Variants in PAICS observed in about 807,000 individuals in gnomAD.
PAICS encodes the protein phosphoribosylaminoimidazole carboxylase and phosphoribosylaminoimidazolesuccinocarboxamide synthase, also known as bifunctional phosphoribosylaminoimidazole carboxylase/phosphoribosylaminoimidazole succinocarboxamide synthetase.
Under a neutral mutation model 53.7 loss-of-function variants are expected in PAICS, and 33 were observed. The ratio of observed to expected loss-of-function variants is 0.61; its 90% CI spans 0.47 to 0.82. PAICS has a LOEUF of 0.82. PAICS is among the 40% of genes least tolerant of loss of function. The pLI is 0.00. For synonymous variants in PAICS, 141 were observed against 167.2 expected, an observed-to-expected ratio of 0.84 and a Z score of 1.21; for missense variants, 394 against 494.1, an observed-to-expected ratio of 0.80 and a Z score of 1.92.
At chr4:56,456,217 G>A (rs1382508084) in intron 8 of PAICS, among the ~76,000 whole-genome samples, 12 of 152,010 alleles carry the variant, frequency 7.9e-5, no homozygotes, top group African/African-American at 2.7e-4. Flanking sequence ...TCAACCTCCT[G>A]AGTACCTGGG....
chr4:56,458,942 T>C (rs10015221), intron 8 of PAICS, among the ~76,000 whole-genome samples: 56,301 of 152,042 alleles, frequency 0.37, 11,820 homozygotes, highest in East Asian at 0.66. Context: ...CAAATGCAGA[T>C]AGAAAGATTA....
At chr4:56,430,461 G>C in the PAICS span, among the ~76,000 whole-genome samples, 4 of 151,966 alleles carry the variant, frequency 2.6e-5, no homozygotes, top group African/African-American at 7.3e-5. Flanking sequence ...TGCCCTGTAT[G>C]GTAAAGTATT....
Position 56,448,501 on chromosome 4 carries a change from G to T in PAICS, c.477G>T (p.Gln159His). 1 of 1,612,782 alleles carries T rather than the reference G, an allele frequency of 6.2e-7. No homozygotes were observed. Among genetic ancestry groups the T allele is most frequent in the Non-Finnish European group, 8.5e-7 (1 of 1,179,048 alleles). ...KFCFAGLLIG[Q>H]TEVDIMSHAT... ...GCTTTGCTGGACTTCTTATAGGCCAGACTGAAGTGGATATCATGAGTCATG... is the reference window on the plus strand; with the variant it reads ...GCTTTGCTGGACTTCTTATAGGCCATACTGAAGTGGATATCATGAGTCATG... Residue 159 changes from glutamine to histidine, a missense_variant, in exon 4 of 9, where the codon CAG becomes CAT. By Grantham distance (24) the Gln-to-His change is conservative. Around this residue, in one of 3 missense-constraint regions of PAICS, gnomAD observed 168 missense variants for 199.3 expected, o/e 0.84. Transcript: ENST00000512576.
At chr4:56,445,908 A>G (rs1358774424) in intron 2 of PAICS, among the ~76,000 whole-genome samples, 2 of 152,170 alleles carry the variant, frequency 1.3e-5, no homozygotes, top group Non-Finnish European at 2.9e-5. Flanking sequence ...AGGAGAGGCA[A>G]TACAGCAAAG....
the PAICS span, chr4:56,420,801 C>T: frequency 6.6e-6 from 1 of 152,098 alleles, no homozygotes; most frequent in Non-Finnish European, 1.5e-5. Flanking sequence ...TCATAAATGT[C>T]TTTAAAGTAT....
chr4:56,455,850 G>A (rs1578160816), intron 8 of PAICS, among the ~76,000 whole-genome samples: 1 of 152,234 alleles, frequency 6.6e-6, no homozygotes, highest in East Asian at 1.9e-4. Context: ...ATTTTACACA[G>A]ATGTGATGTG....
Position 56,461,517 on chromosome 4 carries a change from T to C in PAICS, c.*1979T>C, listed in dbSNP as rs951779503. The C allele has an allele frequency of 6.6e-6, 1 of 152,086 alleles. No homozygotes were observed. Among genetic ancestry groups the C allele is most frequent in the Non-Finnish European group, 1.5e-5 (1 of 68,002 alleles). 9.4% of individuals were successfully genotyped at this position (152,086 alleles called of 1,614,324 possible). ...GACTGACCATTACAAATTGTCGTTA[T>C]CAATTTTTTTTCCTTTTTTTTTTTA... On this transcript the variant is annotated 3_prime_UTR_variant, in exon 9 of 9. Transcript: ENST00000512576.
chr4:56,432,996 T>TA (rs1157600290), upstream of PAICS, among the ~76,000 whole-genome samples: 23 of 146,852 alleles, frequency 1.6e-4, no homozygotes, highest in African/African-American at 5.9e-4. Context: ...ACACACGTAT[T>TA]TTATATATAT....
chr4:56,446,586 T>G, intron 2 of PAICS, 109 bp from the exon 3 acceptor site: 1 of 675,964 alleles, frequency 1.5e-6, no homozygotes, highest in Non-Finnish European at 2.6e-6. Flanking sequence ...CACTTATTTT[T>G]GATAGAGGTT....
At chr4:56,426,302 T>C in the PAICS span, among the ~76,000 whole-genome samples, 1 of 151,916 alleles carries the variant, frequency 6.6e-6, no homozygotes, top group Non-Finnish European at 1.5e-5. Context: ...CTCGGGAGGC[T>C]GAGGCAGGAG....
intron 8 of PAICS, among the ~76,000 whole-genome samples, chr4:56,457,323 T>C (rs577180841): frequency 6.6e-6 from 1 of 152,204 alleles, no homozygotes; most frequent in African/African-American, 2.4e-5. Flanking sequence ...CAAGGTGGGA[T>C]GATCACTGGA....
At chr4:56,438,543 C>G (rs1295024970) in intron 1 of PAICS, among the ~76,000 whole-genome samples, 1 of 151,756 alleles carries the variant, frequency 6.6e-6, no homozygotes, top group Non-Finnish European at 1.5e-5. Flanking sequence ...AAGTGATTCT[C>G]CTGCCTCAGC....
chr4:56,414,046 C>T, the PAICS span, among the ~76,000 whole-genome samples: 1 of 152,136 alleles, frequency 6.6e-6, no homozygotes, highest in African/African-American at 2.4e-5. Context: ...TACAAACTGA[C>T]CATTCATGTC....
chr4:56,453,854 C>A, intron 8 of PAICS, 93 bp downstream of exon 8: 1 of 812,834 alleles, frequency 1.2e-6, no homozygotes, highest in Admixed American at 2.5e-5. Flanking sequence ...TCTCATGTAC[C>A]CATGACCTAG....
chr4:56,420,960 G>A, the PAICS span: 1 of 99,882 alleles, frequency 1.0e-5, no homozygotes, highest in African/African-American at 3.9e-5. Flanking sequence ...CTCTAGACCA[G>A]GGGTCCCCAA....
Position 56,451,935 on chromosome 4 carries a change from G to A in PAICS, c.835G>A (p.Gly279Ser). ...GTTGATGGGCTCTACTTCTGATCTT[G>A]GTCACTGTGAAAAAATCAAGAAGGC... Reference protein sequence around the residue: ...VVLMGSTSDLGHCEKIKKACG... With the variant: ...VVLMGSTSDLSHCEKIKKACG... The change falls in exon 7 of 9, where the codon GGT becomes AGT. Residue 279 changes from glycine to serine, a missense_variant. Around this residue, in one of 3 missense-constraint regions of PAICS, gnomAD observed 131 missense variants for 205.5 expected, o/e 0.64. Coordinates refer to ENST00000512576, the MANE Select transcript of PAICS (RefSeq NM_001079524.2). 1 of 1,605,136 alleles carries A rather than the reference G, an allele frequency of 6.2e-7. No individual in the cohort carries two copies.
intron 6 of PAICS, chr4:56,450,919 G>A (rs1322598353): frequency 1.7e-5 from 7 of 402,140 alleles, no homozygotes; most frequent in African/African-American, 4.1e-5. Flanking sequence ...CCGGGTTCAC[G>A]CCATTCTCCT....
chr4:56,436,479 G>A (rs1040977252), intron 1 of PAICS, 151 bp downstream of exon 1: 3 of 733,738 alleles, frequency 4.1e-6, no homozygotes, highest in South Asian at 3.0e-5. Flanking sequence ...AGGCGCTCCC[G>A]GGCCTCCCCG....
At chr4:56,436,235 A>G, upstream of PAICS, 1 of 1,545,930 alleles carries the variant, frequency 6.5e-7, no homozygotes, top group Non-Finnish European at 8.7e-7. Flanking sequence ...CGCCCAGCGA[A>G]GCTCTCTGAC....
Sources: gnomAD v4.1 joint callset for allele counts (sites outside exome capture counted in the v4.1 genomes callset) on GRCh38, gnomAD v4.1.1 for gene constraint, gnomAD v4.1.1 regional missense constraint, MANE v1.5 for transcripts, NCBI Gene and HGNC (gene_info 2026-07-23, HGNC 2026-07-21) for gene names.